Variants in FBLN1 observed in about 807,000 individuals in gnomAD.
The protein encoded by FBLN1 is fibulin-1.
A neutral mutation model predicts 89.7 loss-of-function variants in FBLN1; 34 were observed. The ratio of observed to expected loss-of-function variants is 0.38; its 90% CI spans 0.29 to 0.50. FBLN1 has a LOEUF of 0.50. Among genes scored for constraint, FBLN1 ranks in the 20% least tolerant of loss-of-function variants. The probability of loss-of-function intolerance (pLI) is 0.92; values close to 1 mark genes in which losing one functional copy is unlikely to be tolerated. For missense variants in FBLN1, 777 were observed against 988.1 expected (o/e 0.79, Z 2.86); for synonymous variants, 393 against 391.3 (o/e 1.00, Z -0.05).
intron 8 of FBLN1, 100 bp from the exon 9 acceptor site, chr22:45,541,129 G>A: frequency 1.3e-6 from 2 of 1,500,408 alleles, no homozygotes; most frequent in Non-Finnish European, 1.9e-6. Context: ...TTGTGGTTTT[G>A]CAAAGAGGTG....
At chr22:45,596,203 A>G (rs2089184831) in intron 16 of FBLN1, among the ~76,000 whole-genome samples, 1 of 152,232 alleles carries the variant, frequency 6.6e-6, no homozygotes, top group Admixed American at 6.5e-5. Flanking sequence ...TTCATAGAAG[A>G]GGAAATTGAG....
At position 45,561,719 on chromosome 22, in the gene FBLN1, C is replaced by T. The variant is rs112182743; in HGVS notation, c.1697+11104C>T. Among the ~76,000 whole-genome samples the T allele has an allele frequency of 8.1e-3, 1,232 of 152,244 alleles. 22 individuals carry two copies. The highest frequency in any genetic ancestry group is 0.025 in the African/African-American group (1,048 of 41,562). On this transcript the variant is annotated intron_variant, in intron 14 of 16. Coordinates refer to ENST00000327858, the MANE Select transcript of FBLN1 (RefSeq NM_006486.3). The surrounding 1 kb of genome is among the most constrained non-coding windows in gnomAD (Gnocchi z 4.7). ...GGGTTCTCTAGAGGGACAGAACTAA[C>T]GGAATACATATGTATAATGGAGAGT... is the stretch of plus-strand genomic sequence containing the variant.
Position 45,550,013 on chromosome 22 carries a change from C to A in FBLN1, c.1574-479C>A, listed in dbSNP as rs756557073. 6.6e-6 allele frequency among the ~76,000 whole-genome samples: 1 copy of A among 152,154 alleles called. No homozygotes were observed. The highest frequency in any genetic ancestry group is 6.5e-5 in the Admixed American group (1 of 15,272). The stretch of plus-strand genomic sequence containing the variant: ...CACCTAGGGTAAGGGTGCTGAGCCT[C>A]GGGAGCCACAGAGAGGCTCTGGTTA... On this transcript the variant is annotated intron_variant, in intron 13 of 16. Transcript: ENST00000327858. The surrounding 1 kb of genome is among the most constrained non-coding windows in gnomAD (Gnocchi z 8.4).
At chr22:45,534,292 C>CAAAAAAAAAAAAAAAAAAAA (rs136746) in intron 7 of FBLN1, among the ~76,000 whole-genome samples, 15 of 83,232 alleles carry the variant, frequency 1.8e-4, no homozygotes, top group Non-Finnish European at 2.4e-4. Context: ...GTACTTTCTA[C>CAAAAAAAAAAAAAAAAAAAA]AAAAAAAAAA....
intron 2 of FBLN1, chr22:45,523,227 G>A (rs751239197): frequency 1.3e-6 from 1 of 758,980 alleles, no homozygotes; most frequent in South Asian, 1.4e-5. Context: ...AGGCGGCCAG[G>A]GTGGCTGGAG....
At chr22:45,519,365 A>C (rs2088216687) in intron 2 of FBLN1, among the ~76,000 whole-genome samples, 1 of 152,180 alleles carries the variant, frequency 6.6e-6, no homozygotes, top group Admixed American at 6.5e-5. Context: ...TCACGCCTGT[A>C]ATCCCAGCAC....
chr22:45,587,633 C>A (rs2089099383), intron 16 of FBLN1, among the ~76,000 whole-genome samples: 1 of 152,002 alleles, frequency 6.6e-6, no homozygotes, highest in South Asian at 2.1e-4. Context: ...GAGAAGCACC[C>A]AGATCTACCA....
intron 14 of FBLN1, among the ~76,000 whole-genome samples, chr22:45,570,319 C>CAAAAAAAAA (rs761469854): frequency 9.9e-4 from 36 of 36,408 alleles, no homozygotes; most frequent in African/African-American, 1.5e-3. Context: ...GACTCTGTCT[C>CAAAAAAAAA]AAAAAAAAAA....
At chr22:45,543,358 T>C in intron 10 of FBLN1, 43 bp from the exon 11 acceptor site, 1 of 1,607,276 alleles carries the variant, frequency 6.2e-7, no homozygotes. Context: ...GTGGTGCCAC[T>C]GTGTTGGACA....
intron 4 of FBLN1, among the ~76,000 whole-genome samples, chr22:45,529,333 G>A (rs146690769): frequency 6.6e-5 from 10 of 152,322 alleles, no homozygotes; most frequent in South Asian, 2.1e-4. Context: ...CTTCAAGAGC[G>A]CTCTCAGCTG....
In FBLN1 at chr22:45,562,962, C is replaced by T. The variant is rs1490929372; in HGVS notation, c.1698-11549C>T. The T allele has an allele frequency of 2.5e-6, 4 of 1,613,946 alleles. No homozygotes were observed. The African/African-American group carries it at 4.0e-5, about 16-fold the overall frequency. On this transcript the variant is annotated intron_variant, in intron 14 of 16. Transcript: ENST00000327858. The surrounding 1 kb of genome is among the most constrained non-coding windows in gnomAD (Gnocchi z 7.8). ...GAGAATCGGGAGTGCTCCAAGCTGCCTCTGAGAATAACCTACTACCACCTC... is the reference window on the plus strand; with the variant it reads ...GAGAATCGGGAGTGCTCCAAGCTGCTTCTGAGAATAACCTACTACCACCTC...
intron 1 of FBLN1, among the ~76,000 whole-genome samples, chr22:45,514,714 C>T (rs2088146611): frequency 6.6e-6 from 1 of 152,284 alleles, no homozygotes; most frequent in African/African-American, 2.4e-5. Flanking sequence ...TTAACTGGTG[C>T]TTACTGAGCC....
At chr22:45,533,295 G>A (rs948781686) in intron 6 of FBLN1, 131 bp downstream of exon 6, 10 of 837,040 alleles carry the variant, frequency 1.2e-5, no homozygotes, top group South Asian at 4.2e-5. Context: ...AGCCCAGGAC[G>A]CGCTTTCTCG....
intron 14 of FBLN1, among the ~76,000 whole-genome samples, chr22:45,567,441 C>A (rs548568965): frequency 6.6e-6 from 1 of 152,138 alleles, no homozygotes; most frequent in Non-Finnish European, 1.5e-5. Context: ...CATGATGAAA[C>A]CCCGTCTTTA....
chr22:45,576,855 T>C lies in FBLN1; in HGVS notation c.1841-122T>C, dbSNP rs2089001491. On this transcript the variant is annotated intron_variant, in intron 15 of 16. Transcript: ENST00000327858. The surrounding 1 kb of genome is among the most constrained non-coding windows in gnomAD (Gnocchi z 5.2). Reference sequence around the variant, plus strand: ...AGGGGATCTCTGGCTTCATTGATGTTGTCTCATGAAAGGGCCCTGGGTTAG... The same window carrying C: ...AGGGGATCTCTGGCTTCATTGATGTCGTCTCATGAAAGGGCCCTGGGTTAG... The C allele has an allele frequency of 8.5e-7, 1 of 1,169,880 alleles. No individual in the cohort carries two copies. The highest frequency in any genetic ancestry group is 1.3e-5 in the South Asian group (1 of 78,024). 72.5% of individuals were successfully genotyped at this position (1,169,880 alleles called of 1,614,324 possible).
At chr22:45,539,549 G>A (rs1280528694) in intron 8 of FBLN1, among the ~76,000 whole-genome samples, 2 of 152,076 alleles carry the variant, frequency 1.3e-5, no homozygotes, top group Non-Finnish European at 2.9e-5. Flanking sequence ...GGCTTCCCAC[G>A]TGCCCTGGCT....
rs1183619941 is a variant in FBLN1 at position 45,579,310 on chromosome 22, G to A, written c.1972+2202G>A. 6.6e-6 allele frequency among the ~76,000 whole-genome samples: 1 copy of A among 152,390 alleles called. No homozygotes were observed. Among genetic ancestry groups the A allele is most frequent in the East Asian group, 1.9e-4 (1 of 5,190 alleles). On this transcript the variant is annotated intron_variant, in intron 16 of 16. Coordinates refer to ENST00000327858, the MANE Select transcript of FBLN1 (RefSeq NM_006486.3). The surrounding 1 kb of genome is among the most constrained non-coding windows in gnomAD (Gnocchi z 5.5). The stretch of plus-strand genomic sequence containing the variant: ...GGAGGGGAAACTGAGGCCCGGAAGG[G>A]CGAGGGGGCTTGCCAGTCTTCTTAC...
chr22:45,534,639 C>T (rs920872585), intron 7 of FBLN1, among the ~76,000 whole-genome samples: 1 of 152,172 alleles, frequency 6.6e-6, no homozygotes, highest in Admixed American at 6.5e-5. Context: ...GGCCACAGAG[C>T]AAATTCTGTC....
intron 1 of FBLN1, among the ~76,000 whole-genome samples, chr22:45,514,077 C>T (rs1384784400): frequency 6.6e-6 from 1 of 152,144 alleles, no homozygotes; most frequent in Non-Finnish European, 1.5e-5. Context: ...GCCACCGTAC[C>T]TGGCCAAGCT....
Sources: allele counts gnomAD v4.1 joint callset (sites outside exome capture counted in the v4.1 genomes callset), GRCh38; gene constraint gnomAD v4.1.1; non-coding constraint Gnocchi (gnomAD v3.1); transcripts MANE v1.5; gene names NCBI Gene and HGNC (gene_info 2026-07-23, HGNC 2026-07-21).